Variants in IFT140 observed in about 807,000 individuals in gnomAD.
The protein encoded by IFT140 is intraflagellar transport 140.
In IFT140, 133 loss-of-function variants were observed where a neutral mutation model predicts 164.6. That is an observed-to-expected ratio of 0.81 (90% CI 0.70 to 0.93). The LOEUF (loss-of-function observed/expected upper bound fraction) is 0.93. IFT140 is among the 40% of genes least tolerant of loss of function. IFT140 has a pLI of 0.00. For synonymous variants in IFT140, 860 were observed against 817.3 expected (o/e 1.05, Z -0.89); for missense variants, 2,045 against 1,972.3 (o/e 1.04, Z -0.70).
chr16:1,601,585 C>T (rs575797240), intron 4 of IFT140, among the ~76,000 whole-genome samples: 3 of 152,338 alleles, frequency 2.0e-5, no homozygotes, highest in South Asian at 4.1e-4. Context: ...GCAGTGGGAA[C>T]AGCGGGCGAA....
In IFT140 at chr16:1,553,162, T is replaced by C; in HGVS notation, c.2399+4773A>G. 1 of 985,356 alleles carries C rather than the reference T, an allele frequency of 1.0e-6. No individual in the cohort carries two copies. The highest frequency in any genetic ancestry group is 1.2e-6 in the Non-Finnish European group (1 of 829,892). The allele number at this position is 985,356 out of a possible 1,614,324, so 61.0% of individuals were successfully genotyped here. On this transcript the variant is annotated intron_variant, in intron 19 of 30. Coordinates refer to ENST00000426508, the MANE Select transcript of IFT140 (RefSeq NM_014714.4). This position sits in a 1 kb window ranked among gnomAD's most constrained non-coding sequence, Gnocchi z 4.4. ...GGGTTTTTAGGAAAAACAAGGCTGG[T>C]TACCCATCTCTTGCTCTCTGTCTCT...
chr16:1,565,950 C>G (rs2033688992), intron 16 of IFT140, among the ~76,000 whole-genome samples: 1 of 152,204 alleles, frequency 6.6e-6, no homozygotes, highest in Admixed American at 6.5e-5. Context: ...TTCCACTCAG[C>G]TAACTCCAGA....
chr16:1,528,398 GATGCACACACATGGACGCAC>G (rs1284369103), intron 19 of IFT140, among the ~76,000 whole-genome samples: 4 of 141,702 alleles, frequency 2.8e-5, no homozygotes, highest in Admixed American at 1.4e-4. Context: ...CACACACACG[GATGCACACACATGGACGCAC>G]ATGCACACAC....
At chr16:1,580,218 T>G (rs1159248209) in intron 13 of IFT140, 1 of 152,452 alleles carries the variant, frequency 6.6e-6, no homozygotes, top group African/African-American at 2.4e-5. Context: ...AGCCACAGAT[T>G]AAACAGCTGT....
chr16:1,600,981 A>G (rs1446882831), intron 4 of IFT140, among the ~76,000 whole-genome samples: 1 of 152,046 alleles, frequency 6.6e-6, no homozygotes, highest in Non-Finnish European at 1.5e-5. Context: ...AAAAAAAACT[A>G]GCCAGACGTG....
chr16:1,542,069 A>C, intron 19 of IFT140: 1 of 1,605,976 alleles, frequency 6.2e-7, no homozygotes, highest in Non-Finnish European at 8.5e-7. Flanking sequence ...CTGCATTCCA[A>C]CTGGCGAGTA....
intron 18 of IFT140, among the ~76,000 whole-genome samples, chr16:1,558,903 C>G (rs540739250): frequency 6.6e-6 from 1 of 152,368 alleles, no homozygotes; most frequent in South Asian, 2.1e-4. Flanking sequence ...TCCCCAGCTG[C>G]GCTCCCATCA....
intron 24 of IFT140, chr16:1,524,161 A>C: frequency 1.5e-6 from 1 of 688,786 alleles, no homozygotes; most frequent in Non-Finnish European, 2.4e-6. Flanking sequence ...TATTTCACAG[A>C]GCACTGCAAG....
chr16:1,569,472 T>A (rs1428486416), intron 14 of IFT140, among the ~76,000 whole-genome samples: 1 of 121,500 alleles, frequency 8.2e-6, no homozygotes, highest in Non-Finnish European at 1.7e-5. Context: ...TTCCCTTCTC[T>A]CCTTCCTTCT....
At chr16:1,579,204 T>C (rs941807583) in intron 13 of IFT140, 1 of 152,094 alleles carries the variant, frequency 6.6e-6, no homozygotes, top group Non-Finnish European at 1.5e-5. Flanking sequence ...AGGGAAAATA[T>C]GTTTACTATT....
chr16:1,563,475 G>T (rs903243253), intron 17 of IFT140, among the ~76,000 whole-genome samples: 5 of 151,544 alleles, frequency 3.3e-5, no homozygotes, highest in East Asian at 4.0e-4. Context: ...ACAAACAAAA[G>T]ATTTCTTTCC....
chr16:1,537,689 G>A (rs897493829), intron 19 of IFT140, among the ~76,000 whole-genome samples: 3 of 152,224 alleles, frequency 2.0e-5, no homozygotes, highest in African/African-American at 7.2e-5. Context: ...ACTTCGTCTC[G>A]TTTTGGATAT....
At chr16:1,556,387 C>T (rs574985775) in intron 19 of IFT140, among the ~76,000 whole-genome samples, 4 of 152,262 alleles carry the variant, frequency 2.6e-5, no homozygotes, top group Non-Finnish European at 5.9e-5. Context: ...CCTGGCCTGG[C>T]GCCTCCTCTG....
At position 1,571,393 on chromosome 16, in the gene IFT140, GA is replaced by G. The variant is rs753880990; in HGVS notation, c.1652+13del. On this transcript the variant is annotated intron_variant, in intron 14 of 30. Transcript: ENST00000426508. ...AAAAAAATGTTCACACTTCTATTTG[GA>G]AAAAAAATTTACCTTCGGGAAAGAT... The G allele has an allele frequency of 5.0e-6, 8 of 1,607,386 alleles. No homozygotes were observed. The highest frequency in any genetic ancestry group is 1.7e-5 in the Admixed American group (1 of 58,402).
intron 4 of IFT140, among the ~76,000 whole-genome samples, chr16:1,599,827 TG>T (rs1188696991): frequency 1.7e-5 from 1 of 59,254 alleles, no homozygotes; most frequent in Admixed American, 1.7e-4. Flanking sequence ...AGGAGGGAGG[TG>T]GGGGGGTCAG....
At chr16:1,524,147 G>A (rs2040604149) in intron 24 of IFT140, 191 bp from the exon 25 acceptor site, 11 of 747,722 alleles carry the variant, frequency 1.5e-5, no homozygotes, top group Non-Finnish European at 2.3e-5. Flanking sequence ...GATGCTCTGG[G>A]TTCTATTTCA....
chr16:1,566,357 T>G lies in IFT140; in HGVS notation c.1771-66A>C. 6 of 1,536,076 alleles carry G rather than the reference T, an allele frequency of 3.9e-6. No individual in the cohort carries two copies. The East Asian group carries it at 1.4e-4, about 35-fold the overall frequency. On this transcript the variant is annotated intron_variant, in intron 15 of 30. Transcript: ENST00000426508. ...AGACCAGCGGGTTGGTGGGCTGTGC[T>G]AGGGGACTGACACAGCACATGTCAA...
At chr16:1,550,348 T>C (rs1395597180) in intron 19 of IFT140, among the ~76,000 whole-genome samples, 1 of 152,242 alleles carries the variant, frequency 6.6e-6, no homozygotes, top group East Asian at 1.9e-4. Flanking sequence ...AGGGAGGTCA[T>C]GTCTGGATTA....
chr16:1,588,010 C>T lies in IFT140; in HGVS notation c.825G>A (p.Gly275=), dbSNP rs1409816792. 1.6e-5 allele frequency: 26 copies of T among 1,613,760 alleles called. No homozygotes were observed. Among genetic ancestry groups the T allele is most frequent in the Non-Finnish European group, 2.2e-5 (26 of 1,179,858 alleles). ...AEEVMKVKLS[G]KTGRRADIAL... ...CGATGTCTGCCCGGCGGCCGGTTTT[C>T]CCGCTCAGCTTGACCTGTGTGAGGA... The change falls in exon 8 of 31, where the codon GGG becomes GGA. Residue 275 remains glycine, a synonymous_variant. Coordinates refer to ENST00000426508, the MANE Select transcript of IFT140 (RefSeq NM_014714.4).
Sources: allele counts gnomAD v4.1 joint callset (sites outside exome capture counted in the v4.1 genomes callset), GRCh38; gene constraint gnomAD v4.1.1; non-coding constraint Gnocchi (gnomAD v3.1); transcripts MANE v1.5; gene names NCBI Gene and HGNC (gene_info 2026-07-23, HGNC 2026-07-21).